CDH18: variants seen among roughly 807,000 people sequenced by gnomAD.
CDH18 encodes cadherin-18.
Under a neutral mutation model 67.9 loss-of-function variants are expected in CDH18, and 31 were observed. The ratio of observed to expected loss-of-function variants is 0.46; its 90% CI spans 0.34 to 0.62. The LOEUF is 0.62. Among genes scored for constraint, CDH18 ranks in the 20% least tolerant of loss-of-function variants. The pLI, the probability that CDH18 is intolerant of heterozygous loss-of-function variation, is 0.01. For missense variants in CDH18, 890 were observed against 975.5 expected, an observed-to-expected ratio of 0.91 and a Z score of 1.17; for synonymous variants, 362 against 347.2, an observed-to-expected ratio of 1.04 and a Z score of -0.48.
chr5:20,210,520 A>C (rs1165913760), intron 2 of CDH18, among the ~76,000 whole-genome samples: 1 of 152,026 alleles, frequency 6.6e-6, no homozygotes, highest in African/African-American at 2.4e-5. Context: ...TTTCAATCTT[A>C]ATCTGAACAG....
At chr5:20,405,666 G>A (rs901595764) in intron 1 of CDH18, among the ~76,000 whole-genome samples, 2 of 148,970 alleles carry the variant, frequency 1.3e-5, no homozygotes, top group African/African-American at 5.2e-5. Context: ...CAGAATGGGA[G>A]AAAATTTTTG....
At chr5:19,744,869 T>A (rs1485629894) in intron 4 of CDH18, among the ~76,000 whole-genome samples, 2 of 152,192 alleles carry the variant, frequency 1.3e-5, no homozygotes, top group Non-Finnish European at 2.9e-5. Flanking sequence ...TTTCTCTTTT[T>A]ATTAGGCTTT....
intron 1 of CDH18, among the ~76,000 whole-genome samples, chr5:20,573,380 A>G (rs367657468): frequency 1.3e-5 from 2 of 151,926 alleles, no homozygotes; most frequent in South Asian, 2.1e-4. Flanking sequence ...AAGCCAATAT[A>G]GCCCATAAAT....
chr5:20,559,460 T>TA, intron 1 of CDH18, among the ~76,000 whole-genome samples: 1 of 152,210 alleles, frequency 6.6e-6, no homozygotes, highest in Non-Finnish European at 1.5e-5. Context: ...TACATCTATT[T>TA]AAAATAGTAT....
intron 1 of CDH18, among the ~76,000 whole-genome samples, chr5:20,420,481 C>T (rs1747775821): frequency 6.6e-6 from 1 of 151,024 alleles, no homozygotes; most frequent in Non-Finnish European, 1.5e-5. Flanking sequence ...ACGACTTAAG[C>T]TTTTGCTTAT....
At chr5:19,779,131 A>G (rs528396195) in intron 3 of CDH18, among the ~76,000 whole-genome samples, 65 of 152,328 alleles carry the variant, frequency 4.3e-4, no homozygotes, top group Non-Finnish European at 8.4e-4. Flanking sequence ...GCCATTTAAT[A>G]GAGGGAAAAC....
chr5:20,308,970 G>T (rs1417331198), intron 1 of CDH18, among the ~76,000 whole-genome samples: 1 of 152,118 alleles, frequency 6.6e-6, no homozygotes, highest in Non-Finnish European at 1.5e-5. Flanking sequence ...TAAAATTGGG[G>T]TATTTATTTA....
At position 20,399,145 on chromosome 5, in the gene CDH18, T is replaced by C. The variant is rs74403081; in HGVS notation, c.-579-143640A>G. On this transcript the variant is annotated intron_variant, in intron 1 of 14. Transcript: ENST00000507958. ...AACAACACATCCATCTGATTTGAAT[T>C]GTGTGCTTGAAGTAAGAACTAATGC... Among the ~76,000 whole-genome samples the C allele has an allele frequency of 6.8e-3, 1,030 of 152,324 alleles. 6 individuals carry two copies. The highest frequency in any genetic ancestry group is 8.9e-3 in the Non-Finnish European group (606 of 68,038).
intron 2 of CDH18, among the ~76,000 whole-genome samples, chr5:20,131,357 T>C (rs1749253852): frequency 6.6e-6 from 1 of 152,136 alleles, no homozygotes; most frequent in Admixed American, 6.5e-5. Context: ...TCATTGCTAA[T>C]ATTTGGATTT....
At chr5:20,176,065 C>T (rs1042151040) in intron 2 of CDH18, among the ~76,000 whole-genome samples, 2 of 152,134 alleles carry the variant, frequency 1.3e-5, no homozygotes, top group Admixed American at 1.3e-4. Flanking sequence ...CCCCAACAAC[C>T]CTTTCTCCCC....
intron 3 of CDH18, among the ~76,000 whole-genome samples, chr5:19,836,676 G>T (rs1010292942): frequency 1.3e-5 from 2 of 152,038 alleles, no homozygotes; most frequent in Non-Finnish European, 2.9e-5. Context: ...ACTTTAATTA[G>T]ATTTCATTTG....
intron 1 of CDH18, among the ~76,000 whole-genome samples, chr5:20,550,677 A>C (rs547143839): frequency 5.9e-5 from 9 of 152,346 alleles, no homozygotes; most frequent in Middle Eastern, 3.4e-3. Context: ...TAGGTTTAAT[A>C]AATGTAGAGC....
At chr5:19,896,010 A>C (rs1789285581) in intron 2 of CDH18, among the ~76,000 whole-genome samples, 1 of 52,638 alleles carries the variant, frequency 1.9e-5, no homozygotes, top group Non-Finnish European at 7.1e-5. Flanking sequence ...GTGTCGCATT[A>C]TTTGGGGAAA....
intron 2 of CDH18, among the ~76,000 whole-genome samples, chr5:19,935,826 C>A (rs2150213847): frequency 6.7e-6 from 1 of 150,086 alleles, no homozygotes; most frequent in East Asian, 2.0e-4. Context: ...CTCTCTCTCT[C>A]TCACTCTCTC....
chr5:20,190,722 T>C (rs1384173860), intron 2 of CDH18, among the ~76,000 whole-genome samples: 3 of 152,124 alleles, frequency 2.0e-5, no homozygotes, highest in Non-Finnish European at 2.9e-5. Context: ...GTAATTACCA[T>C]TGACTCCTCC....
chr5:20,035,475 G>C (rs537091319), intron 2 of CDH18, among the ~76,000 whole-genome samples: 4 of 152,082 alleles, frequency 2.6e-5, no homozygotes, highest in African/African-American at 9.6e-5. Flanking sequence ...TGGCTGGGGA[G>C]GCCTCAAGAG....
At chr5:19,507,088 G>A (rs376657968) in intron 10 of CDH18, among the ~76,000 whole-genome samples, 2,069 of 152,166 alleles carry the variant, frequency 0.014, 27 homozygotes, top group South Asian at 0.047. Context: ...TCAAAAAGTG[G>A]GCAAAGGATA....
At chr5:20,011,458 C>A (rs749478373) in intron 2 of CDH18, among the ~76,000 whole-genome samples, 2 of 152,110 alleles carry the variant, frequency 1.3e-5, no homozygotes, top group Non-Finnish European at 2.9e-5. Context: ...CTTCCTCTTG[C>A]CTGATTGCTC....
chr5:19,802,392 G>T (rs903981976), intron 3 of CDH18, among the ~76,000 whole-genome samples: 1 of 152,042 alleles, frequency 6.6e-6, no homozygotes, highest in South Asian at 2.1e-4. Context: ...AAACAGGTTG[G>T]TGGACACTGG....
Sources: allele counts gnomAD v4.1 joint callset (sites outside exome capture counted in the v4.1 genomes callset), GRCh38; gene constraint gnomAD v4.1.1; transcripts MANE v1.5; gene names NCBI Gene and HGNC (gene_info 2026-07-23, HGNC 2026-07-21).